The following MAP2K1 variants were observed in gnomAD, a reference collection of about 807,000 sequenced individuals.
The protein encoded by MAP2K1 is dual specificity mitogen-activated protein kinase kinase 1.
A neutral mutation model predicts 46.3 loss-of-function variants in MAP2K1; 16 were observed. That is an observed-to-expected ratio of 0.35 (90% CI 0.23 to 0.52). The LOEUF (loss-of-function observed/expected upper bound fraction) is 0.52. MAP2K1 is among the 20% of genes least tolerant of loss of function. The pLI, the probability that MAP2K1 is intolerant of heterozygous loss-of-function variation, is 0.94. For missense variants in MAP2K1, 263 were observed against 497.1 expected, an observed-to-expected ratio of 0.53 and a Z score of 4.48; for synonymous variants, 183 against 185.6, an observed-to-expected ratio of 0.99 and a Z score of 0.11.
At chr15:66,469,028 C>A (rs1454505660) in intron 5 of MAP2K1, among the ~76,000 whole-genome samples, 2 of 145,954 alleles carry the variant, frequency 1.4e-5, no homozygotes, top group Non-Finnish European at 3.0e-5. Context: ...GAGGCCGAGG[C>A]GGGTGGATCA....
chr15:66,394,513 G>A (rs1348547583), intron 1 of MAP2K1, among the ~76,000 whole-genome samples: 1 of 135,534 alleles, frequency 7.4e-6, no homozygotes, highest in Non-Finnish European at 1.7e-5. Context: ...CACTCAGGCT[G>A]GAGTGCATTG....
intron 1 of MAP2K1, among the ~76,000 whole-genome samples, chr15:66,429,285 G>C (rs1163908943): frequency 6.6e-6 from 1 of 152,164 alleles, no homozygotes; most frequent in African/African-American, 2.4e-5. Flanking sequence ...TGGCAAGAGA[G>C]AGAAGTGCCA....
chr15:66,443,315 T>C lies in MAP2K1; in HGVS notation c.474T>C (p.Ala158=). ...GGSLDQVLKK[A]GRIPEQILGK... is the part of the protein sequence containing the mutation. The stretch of plus-strand genomic sequence containing the variant: ...CTCTGGATCAAGTCCTGAAGAAAGC[T>C]GGAAGAATTCCTGAACAAATTTTAG... The change falls in exon 4 of 11, where the codon GCT becomes GCC. Residue 158 remains alanine, a synonymous_variant. Coordinates refer to ENST00000307102, the MANE Select transcript of MAP2K1 (RefSeq NM_002755.4). The C allele has an allele frequency of 6.2e-7, 1 of 1,613,242 alleles. No individual in the cohort carries two copies. The highest frequency in any genetic ancestry group is 8.5e-7 in the Non-Finnish European group (1 of 1,179,212).
At chr15:66,394,918 C>T (rs1374426452) in intron 1 of MAP2K1, among the ~76,000 whole-genome samples, 2 of 152,318 alleles carry the variant, frequency 1.3e-5, no homozygotes, top group African/African-American at 4.8e-5. Context: ...AACATCTCTG[C>T]CGCTGTTACA....
chr15:66,491,019 T>C lies in MAP2K1; in HGVS notation c.*404T>C, dbSNP rs190094372. On this transcript the variant is annotated 3_prime_UTR_variant, in exon 11 of 11. Coordinates refer to ENST00000307102, the MANE Select transcript of MAP2K1 (RefSeq NM_002755.4). The stretch of plus-strand genomic sequence containing the variant: ...GTACTTTATTCTTGCTGGGCATACT[T>C]TCTCTCTAGGAGGGAGCCTTGTGAG... The C allele has an allele frequency of 3.1e-4, 130 of 422,792 alleles. No homozygotes were observed. The highest frequency in any genetic ancestry group is 2.1e-3 in the African/African-American group (107 of 50,644). The allele number at this position is 422,792 out of a possible 1,614,324, so 26.2% of individuals were successfully genotyped here.
intron 5 of MAP2K1, among the ~76,000 whole-genome samples, chr15:66,464,586 G>A (rs1415264801): frequency 1.3e-5 from 2 of 152,024 alleles, no homozygotes; most frequent in East Asian, 1.9e-4. Flanking sequence ...GTGCAGTGGC[G>A]TGATCTTGGC....
chr15:66,476,532 A>G (rs1186903450), intron 5 of MAP2K1, among the ~76,000 whole-genome samples: 1 of 152,212 alleles, frequency 6.6e-6, no homozygotes, highest in Non-Finnish European at 1.5e-5. Flanking sequence ...CCAGCACAAG[A>G]GAAGGCGAGA....
chr15:66,424,417 A>G (rs192563509), intron 1 of MAP2K1, among the ~76,000 whole-genome samples: 3 of 152,302 alleles, frequency 2.0e-5, no homozygotes, highest in East Asian at 3.9e-4. Context: ...AGAATTAGGT[A>G]AATTGTCTTT....
chr15:66,431,845 C>T (rs927212579), intron 1 of MAP2K1, among the ~76,000 whole-genome samples: 19 of 152,154 alleles, frequency 1.2e-4, no homozygotes, highest in Admixed American at 7.9e-4. Flanking sequence ...CTGATGCTCT[C>T]TCTCCTCCCC....
chr15:66,426,975 A>G (rs1021111376), intron 1 of MAP2K1, among the ~76,000 whole-genome samples: 1 of 152,216 alleles, frequency 6.6e-6, no homozygotes, highest in African/African-American at 2.4e-5. Flanking sequence ...TCTTGCCTGC[A>G]TATAAACCCC....
intron 1 of MAP2K1, among the ~76,000 whole-genome samples, chr15:66,403,424 C>G (rs1294056029): frequency 6.6e-6 from 1 of 152,064 alleles, no homozygotes; most frequent in African/African-American, 2.4e-5. Context: ...GTCCTTGATC[C>G]TTAGTAGGAG....
intron 1 of MAP2K1, among the ~76,000 whole-genome samples, chr15:66,420,945 A>G (rs1364898861): frequency 1.4e-5 from 1 of 69,556 alleles, no homozygotes; most frequent in East Asian, 4.8e-4. Context: ...ACATACATAT[A>G]TACATACACA....
At chr15:66,460,046 G>A (rs1892278687) in intron 5 of MAP2K1, among the ~76,000 whole-genome samples, 1 of 152,178 alleles carries the variant, frequency 6.6e-6, no homozygotes, top group African/African-American at 2.4e-5. Flanking sequence ...ACAGAAGGTT[G>A]CCCATGGTAT....
intron 5 of MAP2K1, among the ~76,000 whole-genome samples, chr15:66,457,790 C>T (rs1432390710): frequency 2.6e-5 from 4 of 151,720 alleles, no homozygotes; most frequent in Admixed American, 2.0e-4. Context: ...GGTGAAACCC[C>T]GTCTCTACTA....
chr15:66,482,662 T>A (rs1892940599), intron 6 of MAP2K1, among the ~76,000 whole-genome samples: 1 of 152,182 alleles, frequency 6.6e-6, no homozygotes, highest in Non-Finnish European at 1.5e-5. Flanking sequence ...GTGTCTCTCT[T>A]GTCCCTAGTG....
chr15:66,489,384 T>G, intron 9 of MAP2K1, 108 bp downstream of exon 9: 1 of 1,060,720 alleles, frequency 9.4e-7, no homozygotes, highest in Non-Finnish European at 1.5e-6. Flanking sequence ...TTTTGCCCTT[T>G]ACCCTCCCGT....
intron 7 of MAP2K1, 42 bp from the exon 8 acceptor site, chr15:66,487,186 T>A (rs1893061652): frequency 1.3e-6 from 2 of 1,555,754 alleles, no homozygotes; most frequent in Non-Finnish European, 1.8e-6. Context: ...TAACAAGTAA[T>A]CTGTTTCTGA....
chr15:66,481,205 ATCATGACTCAGC>A (rs1437015464), intron 5 of MAP2K1, among the ~76,000 whole-genome samples: 1 of 152,090 alleles, frequency 6.6e-6, no homozygotes, highest in African/African-American at 2.4e-5. Context: ...ATGGAATGGA[ATCATGACTCAGC>A]TCCCACCCTG....
At chr15:66,438,067 G>GT (rs550656052) in intron 3 of MAP2K1, among the ~76,000 whole-genome samples, 2 of 146,438 alleles carry the variant, frequency 1.4e-5, no homozygotes, top group East Asian at 2.0e-4. Context: ...GTGATGAAGG[G>GT]TTTTTTTCCC....
Sources: gnomAD v4.1 joint callset for allele counts (sites outside exome capture counted in the v4.1 genomes callset) on GRCh38, gnomAD v4.1.1 for gene constraint, MANE v1.5 for transcripts, NCBI Gene and HGNC (gene_info 2026-07-23, HGNC 2026-07-21) for gene names.